GSG1L: variants seen among roughly 807,000 people sequenced by gnomAD.
GSG1L encodes the protein GSG1 like.
Under a neutral mutation model 42.1 loss-of-function variants are expected in GSG1L, and 24 were observed. The ratio of observed to expected loss-of-function variants is 0.57; its 90% CI spans 0.41 to 0.80. The LOEUF (loss-of-function observed/expected upper bound fraction) is 0.80, where lower values mean the gene tolerates loss of function less well. GSG1L is among the 30% of genes least tolerant of loss of function. The pLI is 0.00. For missense variants in GSG1L, 445 were observed against 472.2 expected (o/e 0.94, Z 0.53); for synonymous variants, 215 against 203.5 (o/e 1.06, Z -0.48).
At chr16:28,029,041 C>G (rs138870362) in intron 1 of GSG1L, among the ~76,000 whole-genome samples, 1 of 152,198 alleles carries the variant, frequency 6.6e-6, no homozygotes, top group Non-Finnish European at 1.5e-5. Context: ...CGGAAAGCAC[C>G]TTGCCTAACA....
At chr16:27,868,594 TA>T (rs35102160) in intron 3 of GSG1L, among the ~76,000 whole-genome samples, 17,954 of 145,076 alleles carry the variant, frequency 0.12, 1,294 homozygotes, top group East Asian at 0.29. Context: ...GCAAGAGCTG[TA>T]AAAAAAAAAA....
intron 6 of GSG1L, among the ~76,000 whole-genome samples, chr16:27,795,800 C>T (rs1195988974): frequency 6.6e-6 from 1 of 152,172 alleles, no homozygotes; most frequent in East Asian, 1.9e-4. Flanking sequence ...GATATCAAAA[C>T]ATGAACATAT....
chr16:28,022,843 TG>T (rs1158456907), intron 1 of GSG1L, among the ~76,000 whole-genome samples: 1 of 152,098 alleles, frequency 6.6e-6, no homozygotes, highest in Non-Finnish European at 1.5e-5. Context: ...AATTTTTGTA[TG>T]TTTTTTTAGT....
intron 2 of GSG1L, among the ~76,000 whole-genome samples, chr16:27,905,980 A>G (rs563126244): frequency 1.3e-5 from 2 of 152,228 alleles, no homozygotes; most frequent in African/African-American, 4.8e-5. Flanking sequence ...CTCATCTGGG[A>G]GGCACCCACA....
chr16:27,841,103 G>A (rs770357186), intron 4 of GSG1L, among the ~76,000 whole-genome samples: 4 of 152,194 alleles, frequency 2.6e-5, no homozygotes, highest in Non-Finnish European at 5.9e-5. Flanking sequence ...CCTCAACAGA[G>A]AAATGGAATA....
chr16:27,976,366 G>A (rs1448186756), intron 1 of GSG1L, among the ~76,000 whole-genome samples: 2 of 152,198 alleles, frequency 1.3e-5, no homozygotes, highest in Non-Finnish European at 2.9e-5. Context: ...GACCATGTAT[G>A]TCTTGTTCGC....
chr16:27,887,234 G>C (rs1011324003), intron 2 of GSG1L, among the ~76,000 whole-genome samples: 3 of 152,154 alleles, frequency 2.0e-5, no homozygotes, highest in Non-Finnish European at 4.4e-5. Context: ...GGGACTACAG[G>C]CATGTGCACC....
intron 2 of GSG1L, among the ~76,000 whole-genome samples, chr16:27,902,115 C>T (rs530446848): frequency 6.6e-6 from 1 of 152,332 alleles, no homozygotes; most frequent in African/African-American, 2.4e-5. Flanking sequence ...GAGGTCTGGT[C>T]TGGCAGGATG....
At chr16:27,949,721 C>T (rs567149759) in intron 2 of GSG1L, among the ~76,000 whole-genome samples, 5 of 152,128 alleles carry the variant, frequency 3.3e-5, no homozygotes, top group East Asian at 3.9e-4. Flanking sequence ...GTCAGGAGAT[C>T]GAGACCATCC....
intron 2 of GSG1L, among the ~76,000 whole-genome samples, chr16:27,935,840 T>A (rs2084709910): frequency 1.4e-5 from 2 of 146,968 alleles, no homozygotes; most frequent in African/African-American, 5.1e-5. Context: ...TCCTTGAAAT[T>A]GCATGTGCTG....
At position 28,009,114 on chromosome 16, in the gene GSG1L, AGTAC is replaced by A. The variant is rs1266643160; in HGVS notation, c.350-45915_350-45912del. On this transcript the variant is annotated intron_variant, in intron 1 of 6. Transcript: ENST00000447459. Reference sequence around the variant, plus strand: ...GTAAGCCACGGTGCTTGGCCACATCAGTACTGTTTTAACTGCCCAGTTCTGAGCG... The same window carrying A: ...GTAAGCCACGGTGCTTGGCCACATCATGTTTTAACTGCCCAGTTCTGAGCG... Among the ~76,000 whole-genome samples, 3 of 152,098 alleles carry A rather than the reference AGTAC, an allele frequency of 2.0e-5. No homozygotes were observed. The East Asian group carries it at 5.8e-4, about 29-fold the overall frequency.
intron 2 of GSG1L, among the ~76,000 whole-genome samples, chr16:27,910,795 C>T (rs1341005297): frequency 6.6e-6 from 1 of 152,216 alleles, no homozygotes; most frequent in Non-Finnish European, 1.5e-5. Flanking sequence ...AGCAGGATTG[C>T]TTGAGCCCAG....
chr16:27,844,852 C>G (rs576124765), intron 4 of GSG1L, 98 bp downstream of exon 4: 31 of 246,508 alleles, frequency 1.3e-4, no homozygotes, highest in African/African-American at 6.8e-4. Flanking sequence ...TTCTCCTCCC[C>G]CCCACCGCCC....
chr16:28,049,015 C>T (rs1262397338), intron 1 of GSG1L, among the ~76,000 whole-genome samples: 2 of 152,096 alleles, frequency 1.3e-5, no homozygotes, highest in African/African-American at 4.8e-5. Context: ...AGGCCTGGGG[C>T]CTGAGGATGC....
At chr16:27,836,971 T>C (rs2083327557) in intron 4 of GSG1L, among the ~76,000 whole-genome samples, 2 of 152,210 alleles carry the variant, frequency 1.3e-5, no homozygotes, top group Non-Finnish European at 2.9e-5. Context: ...TTTCACATCA[T>C]TCTGGCAAGG....
At chr16:27,934,467 G>A (rs1251864233) in intron 2 of GSG1L, among the ~76,000 whole-genome samples, 3 of 152,234 alleles carry the variant, frequency 2.0e-5, no homozygotes, top group East Asian at 3.9e-4. Flanking sequence ...CCTGGGAGGC[G>A]GAGGTTGCAG....
chr16:27,981,709 G>A lies in GSG1L; in HGVS notation c.350-18506C>T, dbSNP rs144251339. ...ATGAAATACTGAAGACTAAAACCCC[G>A]CTTGGCATCATGACTGCTACACCGT... On this transcript the variant is annotated intron_variant, in intron 1 of 6. Coordinates refer to ENST00000447459, the MANE Select transcript of GSG1L (RefSeq NM_001109763.2). 1.2e-4 allele frequency among the ~76,000 whole-genome samples: 18 copies of A among 152,290 alleles called. No homozygotes were observed. In the East Asian group the frequency reaches 3.3e-3, roughly 28 times the overall value.
At chr16:27,845,197 G>T in intron 3 of GSG1L, 136 bp from the exon 4 acceptor site, 1 of 574,138 alleles carries the variant, frequency 1.7e-6, no homozygotes, top group Non-Finnish European at 3.1e-6. Context: ...GGGTAAGGGA[G>T]GTCAGCAGGA....
At chr16:28,013,139 G>A (rs187847117) in intron 1 of GSG1L, among the ~76,000 whole-genome samples, 16 of 151,060 alleles carry the variant, frequency 1.1e-4, no homozygotes, top group Admixed American at 8.6e-4. Flanking sequence ...CAAGAGAATC[G>A]CTTGAACCCA....
Sources: gnomAD v4.1 joint callset for allele counts (sites outside exome capture counted in the v4.1 genomes callset) on GRCh38, gnomAD v4.1.1 for gene constraint, MANE v1.5 for transcripts, NCBI Gene and HGNC (gene_info 2026-07-23, HGNC 2026-07-21) for gene names.